The following E2F6 variants were observed in gnomAD, a reference collection of about 807,000 sequenced individuals.
The protein encoded by E2F6 is E2F transcription factor 6, also known as transcription factor E2F6.
A neutral mutation model predicts 31.5 loss-of-function variants in E2F6; 19 were observed. The observed-to-expected ratio is 0.60, with a 90% CI of 0.42 to 0.89. E2F6 has a LOEUF of 0.89. Ranked by LOEUF, E2F6 falls within the 40% of genes least tolerant of loss-of-function variation. E2F6 has a pLI of 0.00. For missense variants in E2F6, 269 were observed against 341.6 expected (o/e 0.79, Z 1.67); for synonymous variants, 121 against 127.7 (o/e 0.95, Z 0.36).
At chr2:11,457,158 C>G (rs1339409203) in intron 2 of E2F6, 21 bp downstream of exon 2, 3 of 1,523,630 alleles carry the variant, frequency 2.0e-6, no homozygotes, top group Admixed American at 1.7e-5. Flanking sequence ...AAACCTAAAA[C>G]CTATTCAGGA....
rs753523023 is a variant in E2F6 at position 11,450,106 on chromosome 2, T to C, written c.557A>G (p.Gln186Arg). 1.2e-6 allele frequency: 2 copies of C among 1,612,552 alleles called. No individual in the cohort carries two copies. The highest frequency in any genetic ancestry group is 1.7e-5 in the Admixed American group (1 of 59,930). ...ENERLAYVTY[Q>R]DIHSIQAFHE... The stretch of plus-strand genomic sequence containing the variant: ...GAAGGCCTGAATGCTATGAATGTCT[T>C]GATAGGTCACATATGCTAGTGTAAA... Residue 186 changes from glutamine to arginine, a missense_variant, in exon 5 of 7, where the codon CAA becomes CGA. Physicochemically the swap from Gln to Arg is conservative, Grantham distance 43. Coordinates refer to ENST00000381525, the MANE Select transcript of E2F6 (RefSeq NM_198256.4).
Position 11,446,492 on chromosome 2 carries a change from A to G in E2F6, c.831T>C (p.Leu277=), listed in dbSNP as rs745438972. 1.9e-6 allele frequency: 3 copies of G among 1,613,112 alleles called. No individual in the cohort carries two copies. The highest frequency in any genetic ancestry group is 2.5e-6 in the Non-Finnish European group (3 of 1,179,398). The change falls in exon 7 of 7, where the codon CTT becomes CTC. Residue 277 remains leucine, a synonymous_variant. Transcript: ENST00000381525. ...TCAAATGCCATCAGTTGCTTACTTC[A>G]AGCAATTCTTCACTTTGCTGAGGAT... ...EENPQQSEEL[L]EVSN is the part of the protein sequence containing the mutation.
At position 11,451,824 on chromosome 2, in the gene E2F6, T is replaced by A. The variant is rs775813949; in HGVS notation, c.381-18A>T. 5.0e-6 allele frequency: 8 copies of A among 1,599,996 alleles called. No individual in the cohort carries two copies. In the East Asian group the frequency reaches 1.8e-4, roughly 36 times the overall value. ...CAGATCCTCTTTAGAAGAAAAAAAA[T>A]GTCAGCATCAATACCAACTAGGAGA... On this transcript the variant is annotated intron_variant, in intron 3 of 6. Coordinates refer to ENST00000381525, the MANE Select transcript of E2F6 (RefSeq NM_198256.4).
chr2:11,447,756 T>C lies in E2F6; in HGVS notation c.670A>G (p.Ile224Val). The change falls in exon 6 of 7, where the codon ATA becomes GTA. Residue 224 changes from isoleucine to valine, a missense_variant. Ile to Val is a conservative substitution (Grantham distance 29). Coordinates refer to ENST00000381525, the MANE Select transcript of E2F6 (RefSeq NM_198256.4). ...APREDSITVH[I>V]RSTNGPIDVY... ...TCGATAGGTCCGTTGGTGCTCCTTA[T>C]GTGCACTGTGATAGAGTCCTAGCAA... 1 of 1,612,274 alleles carries C rather than the reference T, an allele frequency of 6.2e-7. No individual in the cohort carries two copies. The highest frequency in any genetic ancestry group is 8.5e-7 in the Non-Finnish European group (1 of 1,180,002).
intron 1 of E2F6, among the ~76,000 whole-genome samples, chr2:11,465,227 G>C (rs554221228): frequency 1.3e-5 from 2 of 149,670 alleles, no homozygotes; most frequent in Admixed American, 1.3e-4. Flanking sequence ...AAAAGAAAAT[G>C]CATTTGTTGA....
intron 1 of E2F6, among the ~76,000 whole-genome samples, chr2:11,463,337 G>A (rs1474864799): frequency 2.6e-5 from 4 of 152,166 alleles, no homozygotes; most frequent in East Asian, 1.9e-4. Context: ...TCCCCCGAAG[G>A]AGTAGGATTT....
At chr2:11,461,108 C>A (rs576162788) in intron 1 of E2F6, among the ~76,000 whole-genome samples, 1 of 152,280 alleles carries the variant, frequency 6.6e-6, no homozygotes, top group South Asian at 2.1e-4. Context: ...CCATTACTAT[C>A]TCCACAGGCA....
At chr2:11,450,623 T>C (rs1671001507) in intron 4 of E2F6, among the ~76,000 whole-genome samples, 4 of 152,218 alleles carry the variant, frequency 2.6e-5, no homozygotes, top group Admixed American at 2.6e-4. Context: ...CTCAAGACTA[T>C]CATGTATGAT....
At chr2:11,451,833 C>T (rs776113530) in intron 3 of E2F6, 27 bp from the exon 4 acceptor site, 1 of 1,594,582 alleles carries the variant, frequency 6.3e-7, no homozygotes, top group Non-Finnish European at 8.6e-7. Flanking sequence ...ATGTCAGCAT[C>T]AATACCAACT....
At position 11,465,262 on chromosome 2, in the gene E2F6, C is replaced by T. The variant is rs143341435; in HGVS notation, c.108+510G>A. On this transcript the variant is annotated intron_variant, in intron 1 of 6. Coordinates refer to ENST00000381525, the MANE Select transcript of E2F6 (RefSeq NM_198256.4). ...AGGGCCCTGATAACCGCGGGGAATA[C>T]AGCATCTGGTCCTGAACAAGAGAAG... Among the ~76,000 whole-genome samples, 626 of 149,700 alleles carry T rather than the reference C, an allele frequency of 4.2e-3. 7 individuals are homozygous for T. The highest frequency in any genetic ancestry group is 0.015 in the African/African-American group (596 of 40,678).
At chr2:11,457,294 C>T in intron 1 of E2F6, 61 bp from the exon 2 acceptor site, 1 of 1,019,464 alleles carries the variant, frequency 9.8e-7, no homozygotes. Flanking sequence ...AAACAAATAG[C>T]ATTTTACTCA....
intron 6 of E2F6, 68 bp from the exon 7 acceptor site, chr2:11,446,591 T>C (rs1670728757): frequency 2.3e-6 from 3 of 1,315,824 alleles, no homozygotes; most frequent in Non-Finnish European, 3.3e-6. Flanking sequence ...GATAGGCAAA[T>C]ACGTAAAAGA....
chr2:11,453,132 A>G (rs764728996), intron 3 of E2F6, among the ~76,000 whole-genome samples: 2 of 150,910 alleles, frequency 1.3e-5, no homozygotes, highest in Admixed American at 6.6e-5. Flanking sequence ...TCTCCTCATC[A>G]TGTCAAGTCT....
rs141426713 is a variant in E2F6, at chr2:11,451,373, G to A, written c.536+278C>T. The A allele has an allele frequency of 9.5e-3, 1,589 of 167,042 alleles. 9 individuals are homozygous for A. Among genetic ancestry groups the A allele is most frequent in the Middle Eastern group, 0.027 (11 of 402 alleles). 10.3% of individuals were successfully genotyped at this position (167,042 alleles called of 1,614,324 possible). On this transcript the variant is annotated intron_variant, in intron 4 of 6. Transcript: ENST00000381525. ...CTTTTTTTTTTTTTTTTTTTGAGAC[G>A]GAGTTTCGCTCCTGTTGCCCAGACT...
chr2:11,458,598 T>A (rs1268632890), intron 1 of E2F6, among the ~76,000 whole-genome samples: 5 of 152,222 alleles, frequency 3.3e-5, no homozygotes, highest in African/African-American at 1.2e-4. Context: ...ATTAAGTAAA[T>A]GGTTTAGAAA....
At chr2:11,447,391 C>T (rs574673930) in intron 6 of E2F6, among the ~76,000 whole-genome samples, 1 of 152,258 alleles carries the variant, frequency 6.6e-6, no homozygotes, top group East Asian at 1.9e-4. Flanking sequence ...GAGACCATCG[C>T]AAGTTGGTAT....
Position 11,458,679 on chromosome 2 carries a change from G to C in E2F6, c.109-1446C>G, listed in dbSNP as rs1411481313. On this transcript the variant is annotated intron_variant, in intron 1 of 6. Coordinates refer to ENST00000381525, the MANE Select transcript of E2F6 (RefSeq NM_198256.4). The stretch of plus-strand genomic sequence containing the variant: ...GCCTGAAGGCAAGGTGAGCAGTTAA[G>C]AAGCTCTTTGTTTATACTGGTGTTA... Among the ~76,000 whole-genome samples, 4 of 152,224 alleles carry C rather than the reference G, an allele frequency of 2.6e-5. No individual in the cohort carries two copies. In the East Asian group the frequency reaches 7.7e-4, roughly 29 times the overall value.
At chr2:11,453,530 G>C (rs1390355045) in intron 3 of E2F6, 52 bp downstream of exon 3, 15 of 1,524,666 alleles carry the variant, frequency 9.8e-6, no homozygotes, top group Non-Finnish European at 1.2e-5. Flanking sequence ...GCATGGAATT[G>C]TCACTTGATG....
rs1037283881 is a variant in E2F6, at chr2:11,444,409, A to T, written c.*2068T>A. The T allele has an allele frequency of 6.6e-6, 1 of 152,184 alleles. No individual in the cohort carries two copies. The highest frequency in any genetic ancestry group is 2.4e-5 in the African/African-American group (1 of 41,428). The allele number at this position is 152,184 out of a possible 1,614,324, so 9.4% of individuals were successfully genotyped here. On this transcript the variant is annotated 3_prime_UTR_variant, in exon 7 of 7. Coordinates refer to ENST00000381525, the MANE Select transcript of E2F6 (RefSeq NM_198256.4). ...TCGAGAGATACTTCATTTATAACAC[A>T]CATCTGTAATTTACAAAGGATTTTC... is the stretch of plus-strand genomic sequence containing the variant.
Sources: gnomAD v4.1 joint callset for allele counts (sites outside exome capture counted in the v4.1 genomes callset) on GRCh38, gnomAD v4.1.1 for gene constraint, MANE v1.5 for transcripts, NCBI Gene and HGNC (gene_info 2026-07-23, HGNC 2026-07-21) for gene names.